ADSS1: variants seen among roughly 807,000 people sequenced by gnomAD.
ADSS1 encodes adenylosuccinate synthetase isozyme 1.
A neutral mutation model predicts 59.1 loss-of-function variants in ADSS1; 57 were observed. That is an observed-to-expected ratio of 0.97 (90% confidence interval 0.78 to 1.20). The LOEUF (loss-of-function observed/expected upper bound fraction) is 1.20. Among genes scored for constraint, ADSS1 ranks in the 50% most tolerant of loss-of-function variants. The probability of loss-of-function intolerance (pLI) is 0.00; values close to 1 mark genes in which losing one functional copy is unlikely to be tolerated. For synonymous variants in ADSS1, 247 were observed against 249.4 expected (o/e 0.99, Z 0.09); for missense variants, 603 against 610.3 (o/e 0.99, Z 0.13).
intron 1 of ADSS1, among the ~76,000 whole-genome samples, chr14:104,728,350 C>G (rs1890781257): frequency 6.6e-6 from 1 of 152,114 alleles, no homozygotes; most frequent in Non-Finnish European, 1.5e-5. Context: ...GACAGAGGGT[C>G]CCTGCAGTTA....
intron 1 of ADSS1, among the ~76,000 whole-genome samples, chr14:104,730,727 TGG>T (rs958571357): frequency 1.3e-5 from 2 of 151,432 alleles, no homozygotes; most frequent in East Asian, 1.9e-4. Context: ...GGGGCCTGAG[TGG>T]GGCAGTGGAG....
chr14:104,727,453 C>T (rs1457636746), intron 1 of ADSS1, among the ~76,000 whole-genome samples: 2 of 152,122 alleles, frequency 1.3e-5, no homozygotes, highest in African/African-American at 4.8e-5. Flanking sequence ...TGCTTCCAAG[C>T]CTCTCTCCCC....
chr14:104,744,011 A>G (rs1270123521), intron 10 of ADSS1, among the ~76,000 whole-genome samples: 1 of 148,062 alleles, frequency 6.8e-6, no homozygotes, highest in Non-Finnish European at 1.5e-5. Context: ...GAGGAAAAAC[A>G]GAGCCCATGG....
chr14:104,743,570 G>A (rs893772308), intron 10 of ADSS1: 5 of 215,758 alleles, frequency 2.3e-5, no homozygotes, highest in Non-Finnish European at 3.9e-5. Context: ...CGCTCTGCAG[G>A]CCCCTCTGCT....
Position 104,741,184 on chromosome 14 carries a change from GC to G in ADSS1, c.741del (p.Lys248ArgfsTer23), listed in dbSNP as rs769542442. On this transcript the variant is annotated frameshift_variant, in exon 8 of 13. Coordinates refer to ENST00000330877, the MANE Select transcript of ADSS1 (RefSeq NM_152328.5). LOFTEE classifies it high-confidence loss of function. ...TACTTTATGTATGAGGCACTCCACG[GC>G]CCCCCCAAGAAGATCCTGGTGGAGG... ...GVYFMYEALH[G>X]PPKKILVEGA... 18 of 1,611,830 alleles carry G rather than the reference GC, an allele frequency of 1.1e-5. No homozygotes were observed. The highest frequency in any genetic ancestry group is 1.6e-4 in the Middle Eastern group (1 of 6,072).
intron 1 of ADSS1, among the ~76,000 whole-genome samples, chr14:104,728,893 G>A (rs920580612): frequency 6.6e-6 from 1 of 152,220 alleles, no homozygotes; most frequent in Non-Finnish European, 1.5e-5. Context: ...AAGCCTGCAT[G>A]AGAGCTGAAC....
chr14:104,730,059 C>T (rs1258327554), intron 1 of ADSS1: 1 of 1,566,974 alleles, frequency 6.4e-7, no homozygotes, highest in Admixed American at 1.8e-5. Flanking sequence ...CCAGCTCAGC[C>T]CACCCCTCAC....
In ADSS1 at chr14:104,738,425, G is replaced by A; in HGVS notation, c.345G>A (p.Lys115=). Residue 115 remains lysine, a synonymous_variant, in exon 3 of 13, where the codon AAG becomes AAA. Coordinates refer to ENST00000330877, the MANE Select transcript of ADSS1 (RefSeq NM_152328.5). ...HLPGLFEEAE[K]NEKKGLKDWE... ...CAGGCTTGTTTGAGGAAGCAGAGAAGAATGAAAAGAAAGGTAGGTCCAAGC... is the reference window on the plus strand; with the variant it reads ...CAGGCTTGTTTGAGGAAGCAGAGAAAAATGAAAAGAAAGGTAGGTCCAAGC... The A allele has an allele frequency of 6.2e-7, 1 of 1,613,930 alleles. No homozygotes were observed. Among genetic ancestry groups the A allele is most frequent in the Non-Finnish European group, 8.5e-7 (1 of 1,179,884 alleles).
intron 10 of ADSS1, among the ~76,000 whole-genome samples, chr14:104,744,029 C>T (rs986128586): frequency 1.4e-5 from 2 of 148,096 alleles, no homozygotes; most frequent in African/African-American, 4.9e-5. Flanking sequence ...TGGCACAGGG[C>T]CTGGTGCCGA....
chr14:104,728,954 G>A lies in ADSS1; in HGVS notation c.192+4492G>A, dbSNP rs186952751. ...GCACAGCTAGGGCCGAGGGGGAAGC[G>A]GGCAGAGTGCAGTGGCGTTGAGGCA... On this transcript the variant is annotated intron_variant, in intron 1 of 12. Transcript: ENST00000330877. Among the ~76,000 whole-genome samples, 69 of 152,320 alleles carry A rather than the reference G, an allele frequency of 4.5e-4. 6 individuals are homozygous for A. The highest frequency in any genetic ancestry group is 3.5e-3 in the East Asian group (18 of 5,190).
At chr14:104,746,440 C>T in intron 12 of ADSS1, 55 bp downstream of exon 12, 2 of 1,569,092 alleles carry the variant, frequency 1.3e-6, no homozygotes, top group African/African-American at 1.4e-5. Context: ...CCCCAAGGGG[C>T]CCACATCCCA....
intron 1 of ADSS1, among the ~76,000 whole-genome samples, chr14:104,732,458 C>G (rs1292309188): frequency 1.3e-5 from 2 of 152,222 alleles, no homozygotes; most frequent in Non-Finnish European, 2.9e-5. Flanking sequence ...CTGGGAGCCC[C>G]TGCGGATCAG....
rs746337932 is a variant in ADSS1, at chr14:104,739,789, T to C, written c.449T>C (p.Val150Ala). The change falls in exon 5 of 13, where the codon GTG becomes GCG. Residue 150 changes from valine (V) to alanine (A), a missense_variant. Transcript: ENST00000330877. The stretch of plus-strand genomic sequence containing the variant: ...CAGGCTGTCGACGGACTTCAGGAAG[T>C]GCAGCGCCAGGCACAAGAGGGGAAG... Reference protein sequence around the residue: ...FHQAVDGLQEVQRQAQEGKNI... With the variant: ...FHQAVDGLQEAQRQAQEGKNI... 2.6e-5 allele frequency: 42 copies of C among 1,613,738 alleles called. No individual in the cohort carries two copies. Among genetic ancestry groups the C allele is most frequent in the Non-Finnish European group, 3.4e-5 (40 of 1,179,980 alleles).
chr14:104,725,588 C>T (rs892083216), intron 1 of ADSS1, among the ~76,000 whole-genome samples: 1 of 152,166 alleles, frequency 6.6e-6, no homozygotes, highest in Non-Finnish European at 1.5e-5. Context: ...AGTGGGGGAC[C>T]TCCCCCCTTG....
chr14:104,741,019 A>G, intron 7 of ADSS1, 98 bp from the exon 8 acceptor site: 2 of 1,602,458 alleles, frequency 1.2e-6, no homozygotes, highest in South Asian at 1.1e-5. Flanking sequence ...GGCACACCTG[A>G]TACTAGGCAT....
chr14:104,724,409 G>T lies in ADSS1; in HGVS notation c.139G>T (p.Gly47Cys). Residue 47 changes from glycine to cysteine, a missense_variant, in exon 1 of 13, where the codon GGC (glycine) becomes TGC (cysteine). Gly to Cys is a radical substitution (Grantham distance 159). Transcript: ENST00000330877. ...LGAQWGDEGKGKVVDLLATDA... is the reference protein window; with the variant it reads ...LGAQWGDEGKCKVVDLLATDA... ...CGCGCAGTGGGGGGACGAGGGCAAA[G>T]GCAAGGTGGTGGACCTGCTGGCCAC... The T allele has an allele frequency of 4.0e-6, 5 of 1,265,380 alleles. No homozygotes were observed. Among genetic ancestry groups the T allele is most frequent in the Non-Finnish European group, 5.0e-6 (5 of 1,000,018 alleles). The allele number at this position is 1,265,380 out of a possible 1,614,324, so 78.4% of individuals were successfully genotyped here. A position where few individuals can be genotyped will look rare whatever the true frequency, so the allele number is the denominator to read the frequency against.
intron 2 of ADSS1, among the ~76,000 whole-genome samples, chr14:104,736,911 T>TATATATATATATATATATATATATA (rs1566798291): frequency 1.4e-5 from 2 of 143,280 alleles, no homozygotes; most frequent in African/African-American, 5.3e-5. Context: ...TATATATATA[T>TATATATATATATATATATATATATA]ATGCATTTTT....
At chr14:104,739,711 C>T in intron 4 of ADSS1, 39 bp from the exon 5 acceptor site, 1 of 1,609,882 alleles carries the variant, frequency 6.2e-7, no homozygotes, top group Non-Finnish European at 8.5e-7. Flanking sequence ...CTCTGCTTCT[C>T]TCCTGTCTCC....
At chr14:104,742,994 G>C (rs1274370551) in intron 9 of ADSS1, 73 bp from the exon 10 acceptor site, 1 of 1,593,950 alleles carries the variant, frequency 6.3e-7, no homozygotes, top group Non-Finnish European at 8.5e-7. Context: ...GCAGGGAGGA[G>C]GGGGAGCAGC....
Sources: gnomAD v4.1 joint callset for allele counts (sites outside exome capture counted in the v4.1 genomes callset) on GRCh38, gnomAD v4.1.1 for gene constraint, MANE v1.5 for transcripts, NCBI Gene and HGNC (gene_info 2026-07-23, HGNC 2026-07-21) for gene names.